PPARGC1A: variants seen among roughly 807,000 people sequenced by gnomAD.
The protein encoded by PPARGC1A is PPARG coactivator 1 alpha.
Under a neutral mutation model 88.7 loss-of-function variants are expected in PPARGC1A, and 25 were observed. That is an observed-to-expected ratio of 0.28 (90% CI 0.21 to 0.39). The LOEUF (loss-of-function observed/expected upper bound fraction) is 0.39. PPARGC1A is among the 10% of genes least tolerant of loss of function. The pLI is 1.00. For synonymous variants in PPARGC1A, 363 were observed against 355.6 expected, an observed-to-expected ratio of 1.02 and a Z score of -0.24; for missense variants, 880 against 968.7, an observed-to-expected ratio of 0.91 and a Z score of 1.22.
chr4:24,230,250 G>A, the PPARGC1A span, among the ~76,000 whole-genome samples: 1 of 152,156 alleles, frequency 6.6e-6, no homozygotes, highest in Admixed American at 6.5e-5. Context: ...CATGTTTTGG[G>A]ATGAGAAGGA....
At chr4:24,387,934 G>GAAAGAAAGAAAGAAAGAAAGAA in the PPARGC1A span, among the ~76,000 whole-genome samples, 458 of 71,510 alleles carry the variant, frequency 6.4e-3, 26 homozygotes, top group Middle Eastern at 0.021. Flanking sequence ...AAGAAAGAAA[G>GAAAGAAAGAAAGAAAGAAAGAA]AGAAAGAAAG....
chr4:23,872,173 G>T (rs1262978906), intron 2 of PPARGC1A, among the ~76,000 whole-genome samples: 3 of 152,090 alleles, frequency 2.0e-5, no homozygotes, highest in Non-Finnish European at 4.4e-5. Flanking sequence ...AAGGTCAACA[G>T]ACCTAAAATG....
chr4:24,003,010 T>G, the PPARGC1A span, among the ~76,000 whole-genome samples: 1 of 152,204 alleles, frequency 6.6e-6, no homozygotes, highest in Admixed American at 6.5e-5. Context: ...GTCTGATTCC[T>G]CTTCTCAGTC....
the PPARGC1A span, among the ~76,000 whole-genome samples, chr4:24,146,924 G>T: frequency 6.6e-6 from 1 of 152,136 alleles, no homozygotes; most frequent in Non-Finnish European, 1.5e-5. Flanking sequence ...TCTCCCCTCT[G>T]TAGAATGTAA....
rs767329564 is a variant in PPARGC1A, at chr4:23,813,957, C to T, written c.1526G>A (p.Gly509Asp). The change falls in exon 8 of 13, where the codon GGC becomes GAC. Residue 509 changes from glycine (G) to aspartate (D), a missense_variant. By Grantham distance (94) the Gly-to-Asp change is moderately conservative. Coordinates refer to ENST00000264867, the MANE Select transcript of PPARGC1A (RefSeq NM_013261.5). ...TTCATCTTCGCTGTCATCAAACAGG[C>T]CATCCATGGCTAGTCCTGAATTTAT... ...MFINSGLAMD[G>D]LFDDSEDESD... 9 of 1,614,048 alleles carry T rather than the reference C, an allele frequency of 5.6e-6. No homozygotes were observed. In the Admixed American group the frequency reaches 1.5e-4, roughly 27 times the overall value.
At chr4:23,890,661 T>C (rs1206329100), upstream of PPARGC1A, among the ~76,000 whole-genome samples, 1 of 145,794 alleles carries the variant, frequency 6.9e-6, no homozygotes. Flanking sequence ...CTGTATGTGT[T>C]AAGGTATAAA....
At chr4:24,145,462 C>G in the PPARGC1A span, among the ~76,000 whole-genome samples, 1 of 152,210 alleles carries the variant, frequency 6.6e-6, no homozygotes, top group Admixed American at 6.5e-5. Context: ...GTCACCTCAT[C>G]AAACCCTTAA....
At chr4:24,175,454 A>C in the PPARGC1A span, among the ~76,000 whole-genome samples, 1 of 147,136 alleles carries the variant, frequency 6.8e-6, no homozygotes, top group African/African-American at 2.5e-5. Context: ...AGCTCACTGC[A>C]ACCTCTGACT....
the PPARGC1A span, among the ~76,000 whole-genome samples, chr4:23,916,872 G>C: frequency 2.0e-5 from 3 of 152,176 alleles, no homozygotes; most frequent in Admixed American, 2.0e-4. Flanking sequence ...GTGGTGCTTC[G>C]ATCTAATTGT....
At chr4:24,377,900 T>C in the PPARGC1A span, among the ~76,000 whole-genome samples, 1 of 152,318 alleles carries the variant, frequency 6.6e-6, no homozygotes, top group East Asian at 1.9e-4. Flanking sequence ...TTTATTTTAA[T>C]ACCTAGCTAA....
chr4:24,262,247 T>C, the PPARGC1A span, among the ~76,000 whole-genome samples: 1 of 152,192 alleles, frequency 6.6e-6, no homozygotes, highest in African/African-American at 2.4e-5. Flanking sequence ...AGAAAACATT[T>C]TGGCAGAATG....
At chr4:24,346,560 A>C in the PPARGC1A span, among the ~76,000 whole-genome samples, 1 of 151,996 alleles carries the variant, frequency 6.6e-6, no homozygotes, top group Non-Finnish European at 1.5e-5. Context: ...TTCTATGTGC[A>C]TAAAGGTGTT....
the PPARGC1A span, among the ~76,000 whole-genome samples, chr4:24,339,229 T>TACACAC: frequency 7.0e-5 from 7 of 100,086 alleles, no homozygotes; most frequent in African/African-American, 2.4e-4. Context: ...TATATATATA[T>TACACAC]ATATATATAC....
chr4:24,163,213 A>G, the PPARGC1A span, among the ~76,000 whole-genome samples: 1 of 148,278 alleles, frequency 6.7e-6, no homozygotes, highest in African/African-American at 2.5e-5. Context: ...GCCATACTAG[A>G]TAAAAGATTT....
chr4:24,280,013 T>C, the PPARGC1A span, among the ~76,000 whole-genome samples: 2 of 152,120 alleles, frequency 1.3e-5, no homozygotes, highest in Non-Finnish European at 2.9e-5. Context: ...ATCTAGCCCA[T>C]CCGCTCTTTC....
At chr4:24,281,590 G>C in the PPARGC1A span, among the ~76,000 whole-genome samples, 2 of 152,168 alleles carry the variant, frequency 1.3e-5, no homozygotes, top group African/African-American at 4.8e-5. Flanking sequence ...ACTGAGGATT[G>C]AATTTCAACA....
the PPARGC1A span, among the ~76,000 whole-genome samples, chr4:24,366,902 C>A: frequency 6.6e-6 from 1 of 152,104 alleles, no homozygotes; most frequent in Non-Finnish European, 1.5e-5. Flanking sequence ...TGCAAGGTGA[C>A]AATTATGCTG....
At chr4:23,982,470 C>T in the PPARGC1A span, among the ~76,000 whole-genome samples, 1 of 152,054 alleles carries the variant, frequency 6.6e-6, no homozygotes, top group African/African-American at 2.4e-5. Flanking sequence ...GTCATGCACA[C>T]CCACATCCCA....
chr4:24,040,045 C>T, the PPARGC1A span, among the ~76,000 whole-genome samples: 1 of 152,174 alleles, frequency 6.6e-6, no homozygotes, highest in Admixed American at 6.5e-5. Flanking sequence ...AGACAGTATA[C>T]ATATACAGTA....
Sources: gnomAD v4.1 joint callset for allele counts (sites outside exome capture counted in the v4.1 genomes callset) on GRCh38, gnomAD v4.1.1 for gene constraint, MANE v1.5 for transcripts, NCBI Gene and HGNC (gene_info 2026-07-23, HGNC 2026-07-21) for gene names.